The following SLC2A10 variants were observed in gnomAD, a reference collection of about 807,000 sequenced individuals.
SLC2A10 encodes solute carrier family 2, facilitated glucose transporter member 10.
Under a neutral mutation model 32.1 loss-of-function variants are expected in SLC2A10, and 25 were observed. The ratio of observed to expected loss-of-function variants is 0.78; its 90% CI spans 0.57 to 1.09. The LOEUF is 1.09. Ranked by LOEUF, SLC2A10 falls within the 50% of genes least tolerant of loss-of-function variation. SLC2A10 has a pLI of 0.00. For synonymous variants in SLC2A10, 332 were observed against 309.6 expected, an observed-to-expected ratio of 1.07 and a Z score of -0.76; for missense variants, 673 against 686.5, an observed-to-expected ratio of 0.98 and a Z score of 0.22.
At chr20:46,729,667 A>G (rs1478737181) in intron 4 of SLC2A10, among the ~76,000 whole-genome samples, 179 bp downstream of exon 4, 2 of 97,520 alleles carry the variant, frequency 2.1e-5, no homozygotes, top group Non-Finnish European at 3.7e-5. Flanking sequence ...TTTGAGATGG[A>G]GTCTCGCTCT....
chr20:46,713,820 G>C (rs975885241), intron 1 of SLC2A10, among the ~76,000 whole-genome samples: 2 of 152,160 alleles, frequency 1.3e-5, no homozygotes, highest in Non-Finnish European at 2.9e-5. Context: ...GGGCAGGGCT[G>C]GGGCCCCGGA....
Position 46,726,274 on chromosome 20 carries a change from T to C in SLC2A10, c.1238T>C (p.Leu413Pro). The change falls in exon 2 of 5, where the codon CTG (leucine) becomes CCG (proline). Residue 413 changes from leucine to proline, a missense_variant. Leu to Pro is a moderately conservative substitution (Grantham distance 98). Transcript: ENST00000359271. ...CATGCACTGCTGCGCTGGACCGCAC[T>C]GCTGTGCCTGATGGTCTTTGTCAGT... ...RGHALLRWTA[L>P]LCLMVFVSAF... 6.2e-7 allele frequency: 1 copy of C among 1,612,912 alleles called. No homozygotes were observed.
At chr20:46,709,911 G>C (rs1978810072) in intron 1 of SLC2A10, 171 bp downstream of exon 1, 1 of 691,354 alleles carries the variant, frequency 1.4e-6, no homozygotes, top group Non-Finnish European at 2.4e-6. Flanking sequence ...GGCGGGGGCT[G>C]GGACGGGGCT....
intron 1 of SLC2A10, chr20:46,714,625 A>G (rs1979122961): frequency 1.3e-5 from 2 of 152,748 alleles, no homozygotes; most frequent in African/African-American, 4.8e-5. Context: ...AGCATACAGT[A>G]TGTGCCGGGA....
Position 46,733,773 on chromosome 20 carries a change from G to A in SLC2A10, c.1565G>A (p.Gly522Asp). The A allele has an allele frequency of 4.3e-6, 7 of 1,614,088 alleles. No individual in the cohort carries two copies. Among genetic ancestry groups the A allele is most frequent in the African/African-American group, 1.3e-5 (1 of 75,040 alleles). The part of the protein sequence containing the change: ...FQKRRFTLSF[G>D]HRQNSTGIPY... ...TCTGACAGGTTCACCCTGAGCTTTG[G>A]CCACAGGCAGAACTCCACTGGCATC... Residue 522 changes from glycine to aspartate, a missense_variant, in exon 5 of 5, where the codon GGC becomes GAC. By Grantham distance (94) the Gly-to-Asp change is moderately conservative. Coordinates refer to ENST00000359271, the MANE Select transcript of SLC2A10 (RefSeq NM_030777.4).
At chr20:46,709,934 C>T (rs985334406) in intron 1 of SLC2A10, 194 bp downstream of exon 1, 14 of 588,926 alleles carry the variant, frequency 2.4e-5, no homozygotes, top group Non-Finnish European at 4.1e-5. Context: ...GTCGCGCTTC[C>T]TTCCATCTTC....
chr20:46,723,761 G>A (rs568774174), intron 1 of SLC2A10, among the ~76,000 whole-genome samples: 79 of 152,200 alleles, frequency 5.2e-4, no homozygotes, highest in African/African-American at 1.9e-3. Flanking sequence ...CTGGCCTCCT[G>A]TCTGATTACC....
At position 46,729,478 on chromosome 20, in the gene SLC2A10, CAGA is replaced by C; in HGVS notation, c.1541_1543del (p.Lys514del). 6.2e-7 allele frequency: 1 copy of C among 1,614,030 alleles called. No homozygotes were observed. The highest frequency in any genetic ancestry group is 1.1e-5 in the South Asian group (1 of 91,066). ...GTTGGCAGAGATAGACCAGCAGTTC[CAGA>C]AGAGACGGTAGGAAGCTGACAGGGT... On this transcript the variant is annotated inframe_deletion, in exon 4 of 5. Transcript: ENST00000359271.
chr20:46,710,786 G>A (rs771598496), intron 1 of SLC2A10, among the ~76,000 whole-genome samples: 16 of 152,242 alleles, frequency 1.1e-4, no homozygotes, highest in Non-Finnish European at 1.6e-4. Context: ...TTTGTAAGCC[G>A]TGGTGAGAAG....
intron 1 of SLC2A10, among the ~76,000 whole-genome samples, chr20:46,721,628 A>G (rs1190668988): frequency 1.3e-5 from 2 of 152,206 alleles, no homozygotes; most frequent in East Asian, 1.9e-4. Context: ...AGCTTCAGGC[A>G]CTGCTAGATC....
At chr20:46,710,862 C>A (rs574787752) in intron 1 of SLC2A10, among the ~76,000 whole-genome samples, 1 of 152,014 alleles carries the variant, frequency 6.6e-6, no homozygotes, top group South Asian at 2.1e-4. Flanking sequence ...GGGGCCGTGA[C>A]CTGAATTATC....
In SLC2A10 at chr20:46,725,519, CT is replaced by C. The variant is rs1979855248; in HGVS notation, c.484del (p.Trp162GlyfsTer83). ...ALNYALAGTP[W>X]GWRHMFGWAT... ...TCAACTATGCACTGGCTGGTACCCC[CT>C]GGGGATGGAGGCACATGTTCGGCTG... On this transcript the variant is annotated frameshift_variant, in exon 2 of 5. Coordinates refer to ENST00000359271, the MANE Select transcript of SLC2A10 (RefSeq NM_030777.4). LOFTEE classifies it high-confidence loss of function. 1.2e-6 allele frequency: 2 copies of C among 1,614,086 alleles called. No homozygotes were observed. Among genetic ancestry groups the C allele is most frequent in the Admixed American group, 1.7e-5 (1 of 60,014 alleles).
intron 4 of SLC2A10, among the ~76,000 whole-genome samples, chr20:46,732,200 A>AT (rs1980338176): frequency 6.6e-6 from 1 of 152,216 alleles, no homozygotes; most frequent in Non-Finnish European, 1.5e-5. Flanking sequence ...ACATCAATCA[A>AT]TGGCAATTGG....
In SLC2A10 at chr20:46,725,982, C is replaced by G; in HGVS notation, c.946C>G (p.Leu316Val). Residue 316 changes from leucine to valine, a missense_variant, in exon 2 of 5, where the codon CTC becomes GTC. Coordinates refer to ENST00000359271, the MANE Select transcript of SLC2A10 (RefSeq NM_030777.4). ...LMALSVSGIG[L>V]VSFAVPMDSG... is the part of the protein sequence containing the mutation. Reference sequence around the variant, plus strand: ...GGCCCTGTCCGTCAGTGGCATAGGCCTCGTCAGCTTTGCCGTGCCCATGGA... The same window carrying G: ...GGCCCTGTCCGTCAGTGGCATAGGCGTCGTCAGCTTTGCCGTGCCCATGGA... 2 of 1,613,942 alleles carry G rather than the reference C, an allele frequency of 1.2e-6. No homozygotes were observed. The highest frequency in any genetic ancestry group is 1.7e-6 in the Non-Finnish European group (2 of 1,180,040).
chr20:46,726,067 ACT>A lies in SLC2A10; in HGVS notation c.1034_1035del (p.Ser345TrpfsTer16), dbSNP rs766678828. 1 of 1,614,024 alleles carries A rather than the reference ACT, an allele frequency of 6.2e-7. No homozygotes were observed. The highest frequency in any genetic ancestry group is 1.1e-5 in the South Asian group (1 of 91,072). ...ACCGGGCAGACAGGCCTCCCTGGAG[ACT>A]CTGGCCTGCTGCAGGACTCCTCTCT... On this transcript the variant is annotated frameshift_variant, in exon 2 of 5. Coordinates refer to ENST00000359271, the MANE Select transcript of SLC2A10 (RefSeq NM_030777.4). LOFTEE classifies it high-confidence loss of function.
chr20:46,712,226 G>A (rs1041093757), intron 1 of SLC2A10, among the ~76,000 whole-genome samples: 5 of 152,228 alleles, frequency 3.3e-5, no homozygotes, highest in African/African-American at 4.8e-5. Context: ...CCATCTGCAA[G>A]AGGATATTCA....
chr20:46,709,956 G>A (rs1978813417), intron 1 of SLC2A10: 1 of 568,718 alleles, frequency 1.8e-6, no homozygotes, highest in Admixed American at 3.7e-5. Context: ...TTTCTGCCCC[G>A]GAAAAGTGGC....
At chr20:46,709,583 G>C, upstream of SLC2A10, 2 of 980,678 alleles carry the variant, frequency 2.0e-6, no homozygotes, top group Admixed American at 4.1e-5. Flanking sequence ...CCGACGTGGC[G>C]TTGGCGGCGC....
intron 3 of SLC2A10, 149 bp downstream of exon 3, chr20:46,727,135 C>A: frequency 9.1e-7 from 1 of 1,101,904 alleles, no homozygotes; most frequent in East Asian, 2.4e-5. Context: ...CATCCAGGAC[C>A]CTCATATGCA....
Sources: gnomAD v4.1 joint callset for allele counts (sites outside exome capture counted in the v4.1 genomes callset) on GRCh38, gnomAD v4.1.1 for gene constraint, MANE v1.5 for transcripts, NCBI Gene and HGNC (gene_info 2026-07-23, HGNC 2026-07-21) for gene names.